Variants in NEO1 observed in about 807,000 individuals in gnomAD.
NEO1 encodes neogenin.
NEO1 carries 63 observed loss-of-function variants against 159.7 expected under a neutral mutation model. The observed-to-expected ratio is 0.39, with a 90% CI of 0.32 to 0.49. The LOEUF (loss-of-function observed/expected upper bound fraction) is 0.49, where lower values mean the gene tolerates loss of function less well. Ranked by LOEUF, NEO1 falls within the 20% of genes least tolerant of loss-of-function variation. The probability of loss-of-function intolerance (pLI) is 0.85; values close to 1 mark genes in which losing one functional copy is unlikely to be tolerated. For synonymous variants in NEO1, 633 were observed against 662.0 expected, an observed-to-expected ratio of 0.96 and a Z score of 0.67; for missense variants, 1,615 against 1,831.0, an observed-to-expected ratio of 0.88 and a Z score of 2.15.
intron 23 of NEO1, among the ~76,000 whole-genome samples, chr15:73,284,608 C>T (rs1269251882): frequency 3.7e-5 from 5 of 136,858 alleles, no homozygotes; most frequent in Admixed American, 2.3e-4. Context: ...TCTTTTGAGA[C>T]GGTGTCTCTC....
At chr15:73,226,947 C>T (rs1433361951) in intron 7 of NEO1, among the ~76,000 whole-genome samples, 3 of 152,082 alleles carry the variant, frequency 2.0e-5, no homozygotes, top group Non-Finnish European at 4.4e-5. Flanking sequence ...TGTGAGTGGG[C>T]GTCAAATTAG....
chr15:73,070,358 A>T (rs1052933523), intron 1 of NEO1, among the ~76,000 whole-genome samples: 3 of 152,246 alleles, frequency 2.0e-5, no homozygotes, highest in African/African-American at 4.8e-5. Flanking sequence ...ACTTTGAGAG[A>T]TATCATGAAC....
At chr15:73,147,188 T>C (rs1274670195) in intron 5 of NEO1, among the ~76,000 whole-genome samples, 1 of 152,236 alleles carries the variant, frequency 6.6e-6, no homozygotes, top group Non-Finnish European at 1.5e-5. Flanking sequence ...AGGAATATCC[T>C]TGATACAGTG....
chr15:73,244,971 A>AAAAC (rs2039695068), intron 9 of NEO1, among the ~76,000 whole-genome samples: 1 of 147,234 alleles, frequency 6.8e-6, no homozygotes, highest in African/African-American at 2.5e-5. Flanking sequence ...AAAAAAAAAA[A>AAAAC]AAAAAAAAAA....
intron 1 of NEO1, among the ~76,000 whole-genome samples, chr15:73,098,520 A>C (rs1023245968): frequency 3.3e-5 from 5 of 152,088 alleles, no homozygotes; most frequent in Admixed American, 2.6e-4. Context: ...TTTTTCTCCA[A>C]ACTTACTTGT....
chr15:73,181,711 C>T (rs1424809613), intron 7 of NEO1, among the ~76,000 whole-genome samples: 2 of 152,072 alleles, frequency 1.3e-5, no homozygotes, highest in African/African-American at 2.4e-5. Context: ...GAGGGATCTT[C>T]CCCCATGACC....
At chr15:73,220,382 T>C (rs1370729607) in intron 7 of NEO1, among the ~76,000 whole-genome samples, 1 of 152,166 alleles carries the variant, frequency 6.6e-6, no homozygotes, top group African/African-American at 2.4e-5. Context: ...ATTTCAACTT[T>C]GGTGAATCTG....
intron 7 of NEO1, among the ~76,000 whole-genome samples, chr15:73,209,411 T>A (rs529383034): frequency 6.6e-6 from 1 of 152,334 alleles, no homozygotes; most frequent in Non-Finnish European, 1.5e-5. Context: ...TATTGTTGTT[T>A]CCCCATTGAG....
chr15:73,252,325 A>G (rs1336690114), intron 11 of NEO1, among the ~76,000 whole-genome samples: 3 of 152,208 alleles, frequency 2.0e-5, no homozygotes, highest in East Asian at 1.9e-4. Flanking sequence ...GCTCTCACCA[A>G]TATGAAGGGA....
intron 7 of NEO1, among the ~76,000 whole-genome samples, chr15:73,213,804 C>G (rs11632354): frequency 0.07 from 10,678 of 152,220 alleles, 523 homozygotes; most frequent in Non-Finnish European, 0.097. Flanking sequence ...ATTGCTGGAT[C>G]AAATGGTAGT....
At chr15:73,269,762 C>T (rs775410685) in intron 16 of NEO1, among the ~76,000 whole-genome samples, 4 of 152,056 alleles carry the variant, frequency 2.6e-5, no homozygotes, top group Non-Finnish European at 5.9e-5. Flanking sequence ...TTTTAATATG[C>T]CTATAGAATG....
At chr15:73,257,237 A>T (rs1370305758) in intron 13 of NEO1, among the ~76,000 whole-genome samples, 3 of 147,582 alleles carry the variant, frequency 2.0e-5, no homozygotes, top group Non-Finnish European at 4.5e-5. Flanking sequence ...TGTATTTATT[A>T]TATACTAGGC....
intron 5 of NEO1, among the ~76,000 whole-genome samples, chr15:73,160,197 A>G (rs1230841126): frequency 6.6e-6 from 1 of 152,092 alleles, no homozygotes; most frequent in Non-Finnish European, 1.5e-5. Flanking sequence ...AAAAACCCCA[A>G]AACACCAAAC....
At chr15:73,217,959 C>G (rs1305088539) in intron 7 of NEO1, among the ~76,000 whole-genome samples, 2 of 151,944 alleles carry the variant, frequency 1.3e-5, no homozygotes, top group Non-Finnish European at 2.9e-5. Context: ...ACTTCCAACA[C>G]TATGTTGAAT....
chr15:73,103,330 G>A (rs756073698), intron 1 of NEO1, among the ~76,000 whole-genome samples: 9 of 152,132 alleles, frequency 5.9e-5, no homozygotes, highest in African/African-American at 9.7e-5. Flanking sequence ...GTATGAAATC[G>A]TCACTATCTG....
chr15:73,223,956 T>C (rs1021931420), intron 7 of NEO1, among the ~76,000 whole-genome samples: 2 of 152,228 alleles, frequency 1.3e-5, no homozygotes, highest in African/African-American at 4.8e-5. Context: ...TGATTCAAGA[T>C]GTAGAGCTCC....
At chr15:73,137,004 CATA>C (rs746697375) in intron 5 of NEO1, among the ~76,000 whole-genome samples, 1 of 152,144 alleles carries the variant, frequency 6.6e-6, no homozygotes, top group Non-Finnish European at 1.5e-5. Flanking sequence ...TGGAGTAAAT[CATA>C]GTGGTTCTGA....
At chr15:73,167,504 C>T (rs972871013) in intron 5 of NEO1, among the ~76,000 whole-genome samples, 4 of 152,158 alleles carry the variant, frequency 2.6e-5, no homozygotes, top group Non-Finnish European at 4.4e-5. Context: ...CAAGGGGTTC[C>T]TGCTCCATCT....
At position 73,269,701 on chromosome 15, in the gene NEO1, T is replaced by G. The variant is rs183958254; in HGVS notation, c.2495-309T>G. Among the ~76,000 whole-genome samples the G allele has an allele frequency of 1.4e-3, 213 of 152,280 alleles. 1 individual carries two copies. Among genetic ancestry groups the G allele is most frequent in the Admixed American group, 3.4e-3 (52 of 15,296 alleles). On this transcript the variant is annotated intron_variant, in intron 16 of 28. Coordinates refer to ENST00000261908, the MANE Select transcript of NEO1 (RefSeq NM_002499.4). ...ACAGGAAGTAGAATTTTCAAGTTATTTTAAGAAAATTCAAGCACGAATACA... is the reference window on the plus strand; with the variant it reads ...ACAGGAAGTAGAATTTTCAAGTTATGTTAAGAAAATTCAAGCACGAATACA...
Sources: gnomAD v4.1 joint callset for allele counts (sites outside exome capture counted in the v4.1 genomes callset) on GRCh38, gnomAD v4.1.1 for gene constraint, MANE v1.5 for transcripts, NCBI Gene and HGNC (gene_info 2026-07-23, HGNC 2026-07-21) for gene names.